GPR176: variants seen among roughly 807,000 people sequenced by gnomAD.
GPR176 encodes G-protein coupled receptor 176.
GPR176 carries 26 observed loss-of-function variants against 35.4 expected under a neutral mutation model. The observed-to-expected ratio is 0.74, with a 90% CI of 0.54 to 1.02. GPR176 has a LOEUF of 1.02. GPR176 is among the 50% of genes least tolerant of loss of function. The pLI, the probability that GPR176 is intolerant of heterozygous loss-of-function variation, is 0.00. For synonymous variants in GPR176, 278 were observed against 271.3 expected (o/e 1.02, Z -0.24); for missense variants, 597 against 665.3 (o/e 0.90, Z 1.13).
Position 39,872,337 on chromosome 15 carries a change from C to T in GPR176, c.172+47518G>A, listed in dbSNP as rs142024826. On this transcript the variant is annotated intron_variant, in intron 1 of 2. Transcript: ENST00000561100. ...TGGTGGAGAGAAAGCTAAACATACACGATGTGTACAGAGAAGATGGGGAGT... is the reference window on the plus strand; with the variant it reads ...TGGTGGAGAGAAAGCTAAACATACATGATGTGTACAGAGAAGATGGGGAGT... 3.8e-3 allele frequency among the ~76,000 whole-genome samples: 585 copies of T among 152,166 alleles called. 2 individuals are homozygous for T. The highest frequency in any genetic ancestry group is 0.013 in the African/African-American group (528 of 41,514).
At chr15:39,809,347 A>C (rs1334012400) in intron 1 of GPR176, among the ~76,000 whole-genome samples, 2 of 152,050 alleles carry the variant, frequency 1.3e-5, no homozygotes, top group East Asian at 3.9e-4. Context: ...ACCCATACCC[A>C]ATACCCATTT....
intron 1 of GPR176, among the ~76,000 whole-genome samples, chr15:39,902,092 C>T (rs931091046): frequency 5.9e-5 from 9 of 151,910 alleles, no homozygotes; most frequent in Non-Finnish European, 1.0e-4. Context: ...TCAAAGAAAA[C>T]GAAAAAATAG....
chr15:39,898,629 G>A (rs561622629), intron 1 of GPR176, among the ~76,000 whole-genome samples: 1 of 152,242 alleles, frequency 6.6e-6, no homozygotes, highest in Admixed American at 6.5e-5. Flanking sequence ...GGAACTCCTG[G>A]AGTGTAAAGA....
At chr15:39,862,017 TAGTGG>T (rs1407213854) in intron 1 of GPR176, 4 of 152,230 alleles carry the variant, frequency 2.6e-5, no homozygotes, top group African/African-American at 9.6e-5. Flanking sequence ...ACTGCCACTC[TAGTGG>T]TTGCCTGACT....
At chr15:39,869,437 A>G (rs74708739) in intron 1 of GPR176, among the ~76,000 whole-genome samples, 2 of 152,334 alleles carry the variant, frequency 1.3e-5, no homozygotes, top group East Asian at 3.9e-4. Flanking sequence ...CAGCTTTGTC[A>G]TGATGCCGAC....
intron 1 of GPR176, among the ~76,000 whole-genome samples, chr15:39,894,129 G>C (rs1421372292): frequency 9.6e-5 from 10 of 104,018 alleles, no homozygotes; most frequent in Non-Finnish European, 1.8e-4. Flanking sequence ...CTGGCCAGGC[G>C]GGGGCTGACC....
chr15:39,848,423 A>G (rs2140803812), intron 1 of GPR176, among the ~76,000 whole-genome samples: 1 of 152,294 alleles, frequency 6.6e-6, no homozygotes, highest in African/African-American at 2.4e-5. Flanking sequence ...GAAAATCTAC[A>G]AGGAAAGAGA....
rs536606069 is a variant in GPR176 at position 39,837,560 on chromosome 15, C to T, written c.173-30302G>A. On this transcript the variant is annotated intron_variant, in intron 1 of 2. Coordinates refer to ENST00000561100, the MANE Select transcript of GPR176 (RefSeq NM_007223.3). ...ATGCAAATTTAATCTTCTGTTTCTC[C>T]ATTATACTTTGTTTACATTAATTAA... Among the ~76,000 whole-genome samples the T allele has an allele frequency of 7.9e-5, 12 of 152,230 alleles. No homozygotes were observed. The South Asian group carries it at 2.5e-3, about 32-fold the overall frequency.
chr15:39,866,910 G>T (rs571287127), intron 1 of GPR176, among the ~76,000 whole-genome samples: 2 of 152,222 alleles, frequency 1.3e-5, no homozygotes, highest in East Asian at 3.9e-4. Context: ...AGTGAGTAGT[G>T]GTGCCCGTGT....
At chr15:39,908,571 T>G (rs1039315256) in intron 1 of GPR176, among the ~76,000 whole-genome samples, 3 of 152,148 alleles carry the variant, frequency 2.0e-5, no homozygotes, top group Admixed American at 2.0e-4. Flanking sequence ...TTTCTTTTTT[T>G]TGTTCATGTA....
intron 1 of GPR176, among the ~76,000 whole-genome samples, chr15:39,890,815 C>G (rs1873920): frequency 0.1 from 15,805 of 152,174 alleles, 1,244 homozygotes; most frequent in Admixed American, 0.22. Context: ...GAAACCTGAG[C>G]TGGAGCTGAG....
At chr15:39,916,814 AT>A (rs1323983873) in intron 1 of GPR176, among the ~76,000 whole-genome samples, 2 of 151,954 alleles carry the variant, frequency 1.3e-5, no homozygotes, top group African/African-American at 4.8e-5. Context: ...CTAATCTATG[AT>A]TTTTCTCTAT....
At chr15:39,905,531 C>T (rs933834488) in intron 1 of GPR176, among the ~76,000 whole-genome samples, 2 of 151,786 alleles carry the variant, frequency 1.3e-5, no homozygotes, top group Non-Finnish European at 2.9e-5. Context: ...CAAGAAGTTG[C>T]TGCAGTGAAC....
In GPR176 at chr15:39,920,193, G is replaced by A; in HGVS notation, c.-167C>T. 1 of 424,248 alleles carries A rather than the reference G, an allele frequency of 2.4e-6. No homozygotes were observed. The highest frequency in any genetic ancestry group is 4.0e-6 in the Non-Finnish European group (1 of 246,986). The allele number at this position is 424,248 out of a possible 1,614,324, so 26.3% of individuals were successfully genotyped here. On this transcript the variant is annotated 5_prime_UTR_variant, in exon 1 of 3. Coordinates refer to ENST00000561100, the MANE Select transcript of GPR176 (RefSeq NM_007223.3). ...TCCACATCGCCAACCCCGGCGCCCGGGAGGCGGGGAGGGAGGGAGGCGCGG... is the reference window on the plus strand; with the variant it reads ...TCCACATCGCCAACCCCGGCGCCCGAGAGGCGGGGAGGGAGGGAGGCGCGG...
chr15:39,816,522 T>C (rs1899917645), intron 1 of GPR176, among the ~76,000 whole-genome samples: 1 of 152,164 alleles, frequency 6.6e-6, no homozygotes, highest in South Asian at 2.1e-4. Context: ...CCACACAAGG[T>C]TATGAAAATC....
At chr15:39,896,239 TG>T (rs137860880) in intron 1 of GPR176, among the ~76,000 whole-genome samples, 36,740 of 151,992 alleles carry the variant, frequency 0.24, 4,857 homozygotes, top group Non-Finnish European at 0.3. Flanking sequence ...TTTCATTTTT[TG>T]TACAGACAGG....
At chr15:39,863,330 A>G (rs1346683699) in intron 1 of GPR176, among the ~76,000 whole-genome samples, 1 of 151,470 alleles carries the variant, frequency 6.6e-6, no homozygotes, top group African/African-American at 2.4e-5. Context: ...AGTTTTTAAC[A>G]AAAAGTTTAA....
At chr15:39,810,397 T>C (rs1030482693) in intron 1 of GPR176, among the ~76,000 whole-genome samples, 2 of 152,226 alleles carry the variant, frequency 1.3e-5, no homozygotes, top group African/African-American at 4.8e-5. Context: ...AGAACCTTTT[T>C]CCAACTAAAT....
intron 1 of GPR176, among the ~76,000 whole-genome samples, chr15:39,864,211 A>G (rs1182872045): frequency 6.6e-6 from 1 of 152,172 alleles, no homozygotes; most frequent in Non-Finnish European, 1.5e-5. Flanking sequence ...CAATGGAATA[A>G]GGCTCAGATG....
Sources: gnomAD v4.1 joint callset for allele counts (sites outside exome capture counted in the v4.1 genomes callset) on GRCh38, gnomAD v4.1.1 for gene constraint, MANE v1.5 for transcripts, NCBI Gene and HGNC (gene_info 2026-07-23, HGNC 2026-07-21) for gene names.